Variants in HDX observed in about 807,000 individuals in gnomAD.
HDX encodes highly divergent homeobox.
Under a neutral mutation model 45.2 loss-of-function variants are expected in HDX, and 19 were observed. The observed-to-expected ratio is 0.42, with a 90% CI of 0.29 to 0.62. The LOEUF is 0.62. Ranked by LOEUF, HDX falls within the 20% of genes least tolerant of loss-of-function variation. HDX has a pLI of 0.20. For synonymous variants in HDX, 188 were observed against 172.8 expected (o/e 1.09, Z -0.69); for missense variants, 532 against 493.9 (o/e 1.08, Z -0.73).
chrX:84,427,999 G>A (rs1216425129), intron 5 of HDX, among the ~76,000 whole-genome samples: 1 of 110,269 alleles, frequency 9.1e-6, no homozygotes, highest in Non-Finnish European at 1.9e-5. Context: ...TGTGTACTGG[G>A]CGCACTGTAG....
intron 1 of HDX, among the ~76,000 whole-genome samples, chrX:84,491,879 A>T (rs1258710204): frequency 2.7e-5 from 3 of 111,271 alleles, no homozygotes; most frequent in Non-Finnish European, 5.7e-5. Flanking sequence ...AGTTCTGAGG[A>T]TTGATTTGCC....
intron 4 of HDX, among the ~76,000 whole-genome samples, chrX:84,451,188 C>G (rs111627388): frequency 3.6e-5 from 4 of 110,479 alleles, no homozygotes; most frequent in African/African-American, 1.3e-4. Flanking sequence ...CAGAGCAGAA[C>G]TAAACAAAAT....
rs765576175 is a variant in HDX at position 84,318,927 on chromosome X, C to T, written c.*2962G>A. On this transcript the variant is annotated 3_prime_UTR_variant, in exon 11 of 11. Transcript: ENST00000373177. ...GGTTTTCTTTGCATGTGCTAATTTT[C>T]CTATTCTCCAGAGCAATTGCAATTC... is the stretch of plus-strand genomic sequence containing the variant. The T allele has an allele frequency of 2.4e-4, 27 of 110,973 alleles. No homozygotes were observed. The highest frequency in any genetic ancestry group is 8.8e-4 in the African/African-American group (27 of 30,785). 9.1% of individuals were successfully genotyped at this position (110,973 alleles called of 1,213,427 possible).
At chrX:84,391,670 G>A (rs1054661161) in intron 5 of HDX, among the ~76,000 whole-genome samples, 3 of 111,274 alleles carry the variant, frequency 2.7e-5, no homozygotes, top group African/African-American at 6.5e-5. Context: ...TCTCATCATG[G>A]TTTTGTTTTG....
intron 4 of HDX, among the ~76,000 whole-genome samples, chrX:84,453,958 A>G (rs184453959): frequency 8.9e-6 from 1 of 111,906 alleles, no homozygotes; most frequent in Non-Finnish European, 1.9e-5. Flanking sequence ...AACTACATTT[A>G]TAGACACACT....
chrX:84,341,072 C>T (rs1430145508), intron 7 of HDX, among the ~76,000 whole-genome samples: 4 of 110,396 alleles, frequency 3.6e-5, no homozygotes, highest in Non-Finnish European at 5.7e-5. Flanking sequence ...AGTTGGGAAA[C>T]GAAACTTCAC....
At chrX:84,382,595 G>C (rs952912029) in intron 5 of HDX, among the ~76,000 whole-genome samples, 1 of 111,579 alleles carries the variant, frequency 9.0e-6, no homozygotes, top group Non-Finnish European at 1.9e-5. Context: ...GCCAGACACA[G>C]AAAGACAAAT....
chrX:84,354,845 A>G (rs1196878240), intron 6 of HDX, among the ~76,000 whole-genome samples: 1 of 102,784 alleles, frequency 9.7e-6, no homozygotes, highest in Non-Finnish European at 2.0e-5. Context: ...GTTATTTCTT[A>G]TGGTAAGGCA....
In HDX at chrX:84,320,428, G is replaced by T. The variant is rs2147738132; in HGVS notation, c.*1461C>A. The T allele has an allele frequency of 9.0e-6, 1 of 110,751 alleles. No individual in the cohort carries two copies. Among genetic ancestry groups the T allele is most frequent in the Non-Finnish European group, 1.9e-5 (1 of 52,390 alleles). 9.1% of individuals were successfully genotyped at this position (110,751 alleles called of 1,213,427 possible). A position where few individuals can be genotyped will look rare whatever the true frequency, so the allele number is the denominator to read the frequency against. On this transcript the variant is annotated 3_prime_UTR_variant, in exon 11 of 11. Coordinates refer to ENST00000373177, the MANE Select transcript of HDX (RefSeq NM_001177479.2). Reference sequence around the variant, plus strand: ...GAGGATGGGACACTTCAAGGGTAAAGACATTTATGACTGCCTTTCTGTGTT... The same window carrying T: ...GAGGATGGGACACTTCAAGGGTAAATACATTTATGACTGCCTTTCTGTGTT...
intron 5 of HDX, among the ~76,000 whole-genome samples, chrX:84,423,702 G>A (rs781612537): frequency 2.5e-4 from 28 of 111,740 alleles, no homozygotes; most frequent in African/African-American, 9.1e-4. Context: ...ACAGAATGAA[G>A]TATAAAACCT....
intron 4 of HDX, among the ~76,000 whole-genome samples, chrX:84,454,037 C>G (rs375378004): frequency 3.6e-5 from 4 of 111,560 alleles, no homozygotes; most frequent in Admixed American, 1.9e-4. Flanking sequence ...TGCTGACTGA[C>G]GTGCCCTTTG....
At chrX:84,420,010 G>A (rs4828268) in intron 5 of HDX, among the ~76,000 whole-genome samples, 1 of 110,860 alleles carries the variant, frequency 9.0e-6, no homozygotes, top group Non-Finnish European at 1.9e-5. Flanking sequence ...CACCCAAGTC[G>A]TTTAAAATAT....
At chrX:84,327,922 C>T (rs996337880) in intron 9 of HDX, among the ~76,000 whole-genome samples, 5 of 110,754 alleles carry the variant, frequency 4.5e-5, no homozygotes, top group Non-Finnish European at 9.4e-5. Flanking sequence ...CTACTGTGCT[C>T]AAGGGATCCT....
At chrX:84,380,033 G>A (rs1261073729) in intron 5 of HDX, among the ~76,000 whole-genome samples, 1 of 110,637 alleles carries the variant, frequency 9.0e-6, no homozygotes, top group Non-Finnish European at 1.9e-5. Context: ...TGAAAAAGAA[G>A]ACAGTACAAC....
At chrX:84,464,171 G>C (rs1190511676) in intron 4 of HDX, among the ~76,000 whole-genome samples, 1 of 111,020 alleles carries the variant, frequency 9.0e-6, no homozygotes, top group Admixed American at 9.6e-5. Context: ...AAGGAAATAA[G>C]AGAGGACACA....
At chrX:84,409,388 A>G (rs2038925526) in intron 5 of HDX, among the ~76,000 whole-genome samples, 2 of 111,140 alleles carry the variant, frequency 1.8e-5, no homozygotes, top group African/African-American at 6.6e-5. Flanking sequence ...TACCCAAAGG[A>G]TTATAAATCA....
chrX:84,489,417 T>C (rs1450103340), intron 1 of HDX, among the ~76,000 whole-genome samples: 1 of 111,805 alleles, frequency 8.9e-6, no homozygotes, highest in East Asian at 2.8e-4. Flanking sequence ...AAATTATTCT[T>C]AACAACACAG....
chrX:84,450,481 G>T (rs1463563083), intron 4 of HDX, among the ~76,000 whole-genome samples: 1 of 111,619 alleles, frequency 9.0e-6, no homozygotes. Flanking sequence ...GATCAATCCA[G>T]CAAAAGGATA....
intron 5 of HDX, among the ~76,000 whole-genome samples, chrX:84,409,763 C>T (rs776014992): frequency 9.6e-6 from 1 of 103,891 alleles, no homozygotes; most frequent in African/African-American, 3.5e-5. Context: ...AGGAGATATA[C>T]CTAATGCTAA....
Sources: allele counts gnomAD v4.1 joint callset (sites outside exome capture counted in the v4.1 genomes callset), GRCh38; gene constraint gnomAD v4.1.1; transcripts MANE v1.5; gene names NCBI Gene and HGNC (gene_info 2026-07-23, HGNC 2026-07-21).